Variants in UNC5C observed in about 807,000 individuals in gnomAD.
UNC5C encodes the protein netrin receptor UNC5C.
UNC5C carries 47 observed loss-of-function variants against 99.8 expected under a neutral mutation model. The ratio of observed to expected loss-of-function variants is 0.47; its 90% confidence interval spans 0.37 to 0.60. UNC5C has a LOEUF of 0.60. UNC5C is among the 20% of genes least tolerant of loss of function. The probability of loss-of-function intolerance (pLI) is 0.00; values close to 1 mark genes in which losing one functional copy is unlikely to be tolerated. For missense variants in UNC5C, 1,062 were observed against 1,165.9 expected, an observed-to-expected ratio of 0.91 and a Z score of 1.30; for synonymous variants, 487 against 452.2, an observed-to-expected ratio of 1.08 and a Z score of -0.98.
At chr4:95,169,448 T>A in intron 15 of UNC5C, 49 bp from the exon 16 acceptor site, 2 of 1,591,900 alleles carry the variant, frequency 1.3e-6, no homozygotes, top group Non-Finnish European at 1.7e-6. Flanking sequence ...CTTACATATC[T>A]ATTTTTCCTC....
chr4:95,385,113 GGGCACCCT>G lies in UNC5C; in HGVS notation c.125-49490_125-49483del, dbSNP rs1288286225. Among the ~76,000 whole-genome samples, 4 of 152,202 alleles carry G rather than the reference GGGCACCCT, an allele frequency of 2.6e-5. No homozygotes were observed. The South Asian group carries it at 8.3e-4, about 32-fold the overall frequency. The stretch of plus-strand genomic sequence containing the variant: ...TGTTCTCAACCATTAGAACAATTAT[GGGCACCCT>G]GTTCATATTATCCATTCACAGTGCT... On this transcript the variant is annotated intron_variant, in intron 1 of 15. Coordinates refer to ENST00000453304, the MANE Select transcript of UNC5C (RefSeq NM_003728.4).
chr4:95,401,602 AC>A (rs922315346), intron 1 of UNC5C, among the ~76,000 whole-genome samples: 25 of 152,218 alleles, frequency 1.6e-4, no homozygotes, highest in African/African-American at 6.0e-4. Flanking sequence ...ACTGTGCCTC[AC>A]CCCAGTAATT....
At chr4:95,209,306 A>G (rs1354157523) in intron 10 of UNC5C, among the ~76,000 whole-genome samples, 1 of 152,212 alleles carries the variant, frequency 6.6e-6, no homozygotes, top group Non-Finnish European at 1.5e-5. Flanking sequence ...AAACTGTAGC[A>G]GCTAACTTGG....
chr4:95,371,423 T>TGG (rs750299959), intron 1 of UNC5C, among the ~76,000 whole-genome samples: 23 of 30,906 alleles, frequency 7.4e-4, no homozygotes, highest in East Asian at 2.4e-3. Context: ...GTATATTTTG[T>TGG]GGGGGGGGGG....
rs1553907044 is a variant in UNC5C, at chr4:95,536,083, T to TATA, written c.124+12650_124+12651insTAT. 2.8e-4 allele frequency among the ~76,000 whole-genome samples: 16 copies of TATA among 57,900 alleles called. No individual in the cohort carries two copies. The East Asian group carries it at 3.8e-3, about 14-fold the overall frequency. The allele number at this position is 57,900 out of a possible 152,430, so 38.0% of individuals were successfully genotyped here. On this transcript the variant is annotated intron_variant, in intron 1 of 15. Transcript: ENST00000453304. The stretch of plus-strand genomic sequence containing the variant: ...ATACATATATATATATATATATATA[T>TATA]TTTTTTTTTTTGAGATGGAGTCTCG...
At chr4:95,189,065 AC>A (rs1371149144) in intron 12 of UNC5C, among the ~76,000 whole-genome samples, 5 of 152,200 alleles carry the variant, frequency 3.3e-5, no homozygotes, top group Admixed American at 1.3e-4. Context: ...AAATATCGTG[AC>A]CCTGGAAAGA....
At chr4:95,542,966 A>G (rs1161937747) in intron 1 of UNC5C, among the ~76,000 whole-genome samples, 1 of 152,074 alleles carries the variant, frequency 6.6e-6, no homozygotes, top group East Asian at 1.9e-4. Context: ...TTAAAACTAG[A>G]AAAAAGGGAA....
intron 1 of UNC5C, among the ~76,000 whole-genome samples, chr4:95,478,961 C>T (rs143407081): frequency 1.3e-5 from 2 of 152,026 alleles, no homozygotes; most frequent in African/African-American, 4.8e-5. Flanking sequence ...CCTATTCCCC[C>T]TCTCATCATG....
intron 1 of UNC5C, among the ~76,000 whole-genome samples, chr4:95,361,370 A>G (rs1299567412): frequency 2.0e-5 from 3 of 152,116 alleles, no homozygotes; most frequent in Admixed American, 2.0e-4. Flanking sequence ...CATGCGTTCA[A>G]CTCAAGTTCT....
At chr4:95,405,050 T>C (rs967180468) in intron 1 of UNC5C, among the ~76,000 whole-genome samples, 16 of 152,268 alleles carry the variant, frequency 1.1e-4, no homozygotes, top group Admixed American at 9.2e-4. Context: ...AAACCTTGCA[T>C]TCATTCTTCG....
chr4:95,205,559 T>C (rs1737845509), intron 11 of UNC5C, among the ~76,000 whole-genome samples: 1 of 152,126 alleles, frequency 6.6e-6, no homozygotes, highest in Non-Finnish European at 1.5e-5. Flanking sequence ...TTCATGTGTA[T>C]TTTTTCTAAG....
rs986322102 is a variant in UNC5C, at chr4:95,164,404, C to G, written c.*4830G>C. Reference sequence around the variant, plus strand: ...GTGATCATTACAGCCAGAGATTATACAAATAGATATCTTAGGGTAGAGAAA... The same window carrying G: ...GTGATCATTACAGCCAGAGATTATAGAAATAGATATCTTAGGGTAGAGAAA... On this transcript the variant is annotated 3_prime_UTR_variant, in exon 16 of 16. Transcript: ENST00000453304. 7.9e-5 allele frequency: 12 copies of G among 152,062 alleles called. No individual in the cohort carries two copies. The highest frequency in any genetic ancestry group is 2.7e-4 in the African/African-American group (11 of 41,386). 9.4% of individuals were successfully genotyped at this position (152,062 alleles called of 1,614,324 possible).
intron 1 of UNC5C, among the ~76,000 whole-genome samples, chr4:95,428,204 G>T (rs968934957): frequency 1.3e-5 from 2 of 151,882 alleles, no homozygotes; most frequent in African/African-American, 4.8e-5. Flanking sequence ...GCATCCTAGG[G>T]CAGAAAATTG....
intron 1 of UNC5C, among the ~76,000 whole-genome samples, chr4:95,440,440 T>A (rs966102368): frequency 6.6e-6 from 1 of 152,162 alleles, no homozygotes; most frequent in Non-Finnish European, 1.5e-5. Context: ...TAGTATCATA[T>A]ACCATTCAGA....
intron 1 of UNC5C, among the ~76,000 whole-genome samples, chr4:95,420,844 A>C (rs1313056197): frequency 6.6e-6 from 1 of 152,196 alleles, no homozygotes; most frequent in Non-Finnish European, 1.5e-5. Context: ...AATGAAGAAA[A>C]GTTTCCACTA....
intron 1 of UNC5C, among the ~76,000 whole-genome samples, chr4:95,530,384 G>A (rs1722611357): frequency 1.3e-5 from 2 of 152,136 alleles, no homozygotes; most frequent in South Asian, 4.1e-4. Context: ...ATTAGGAGGT[G>A]TTCAGTTCCA....
chr4:95,485,940 C>G (rs1285830338), intron 1 of UNC5C, among the ~76,000 whole-genome samples: 2 of 151,310 alleles, frequency 1.3e-5, no homozygotes, highest in African/African-American at 2.4e-5. Flanking sequence ...AATTAAGAAC[C>G]CTGCGATCAT....
chr4:95,207,722 T>C (rs1490482602), intron 10 of UNC5C, among the ~76,000 whole-genome samples: 1 of 152,148 alleles, frequency 6.6e-6, no homozygotes, highest in Admixed American at 6.5e-5. Flanking sequence ...TTGGAAGTCA[T>C]TCGGCAGCAC....
chr4:95,328,524 A>G (rs1579328490), intron 2 of UNC5C, among the ~76,000 whole-genome samples: 2 of 141,432 alleles, frequency 1.4e-5, no homozygotes, highest in African/African-American at 5.1e-5. Context: ...CTCAATAAAC[A>G]TACGTGTGCA....
Sources: allele counts gnomAD v4.1 joint callset (sites outside exome capture counted in the v4.1 genomes callset), GRCh38; gene constraint gnomAD v4.1.1; transcripts MANE v1.5; gene names NCBI Gene and HGNC (gene_info 2026-07-23, HGNC 2026-07-21).